The following PIWIL1 variants were observed in gnomAD, a reference collection of about 807,000 sequenced individuals.
The protein encoded by PIWIL1 is piwi like RNA-mediated gene silencing 1.
PIWIL1 carries 73 observed loss-of-function variants against 114.4 expected under a neutral mutation model. The observed-to-expected ratio is 0.64, with a 90% CI of 0.53 to 0.78. The LOEUF (loss-of-function observed/expected upper bound fraction) is 0.78. Among genes scored for constraint, PIWIL1 ranks in the 30% least tolerant of loss-of-function variants. PIWIL1 has a pLI of 0.00. For synonymous variants in PIWIL1, 375 were observed against 369.0 expected, an observed-to-expected ratio of 1.02 and a Z score of -0.19; for missense variants, 723 against 1,063.1, an observed-to-expected ratio of 0.68 and a Z score of 4.45.
At position 130,367,724 on chromosome 12, in the gene PIWIL1, C is replaced by T. The variant is rs143941337; in HGVS notation, c.2321+466C>T. On this transcript the variant is annotated intron_variant, in intron 19 of 20. Transcript: ENST00000245255. ...ACCGCAAGAAAAGCAGAATGCCAGC[C>T]GGAGCTTACAGCGGGCACCGGCAGG... Among the ~76,000 whole-genome samples, 443 of 152,276 alleles carry T rather than the reference C, an allele frequency of 2.9e-3. 1 individual carries two copies. Among genetic ancestry groups the T allele is most frequent in the Non-Finnish European group, 4.9e-3 (335 of 68,022 alleles).
the PIWIL1 span, among the ~76,000 whole-genome samples, chr12:130,394,387 G>A: frequency 6.6e-6 from 1 of 152,154 alleles, no homozygotes; most frequent in Non-Finnish European, 1.5e-5. Flanking sequence ...GGGATAGCTA[G>A]GTATTTTTTC....
At chr12:130,342,874 T>G (rs2072963327) in intron 2 of PIWIL1, 116 bp from the exon 3 acceptor site, 5 of 766,614 alleles carry the variant, frequency 6.5e-6, no homozygotes, top group Admixed American at 5.2e-5. Flanking sequence ...GAATAAAATA[T>G]TTGATTATTA....
chr12:130,359,940 G>T (rs2136173373), intron 14 of PIWIL1, among the ~76,000 whole-genome samples: 1 of 152,306 alleles, frequency 6.6e-6, no homozygotes, highest in South Asian at 2.1e-4. Flanking sequence ...TGATTATTAG[G>T]CATTTATATC....
chr12:130,414,367 G>T, the PIWIL1 span: 1 of 1,484,146 alleles, frequency 6.7e-7, no homozygotes, highest in Non-Finnish European at 9.1e-7. Flanking sequence ...AGCGTGCACG[G>T]GAAATGCAGC....
chr12:130,408,580 G>C, the PIWIL1 span, among the ~76,000 whole-genome samples: 226 of 152,278 alleles, frequency 1.5e-3, 1 homozygote, highest in Admixed American at 0.012. Flanking sequence ...TCTGCCCAGC[G>C]TGAGCGCTCC....
chr12:130,378,643 T>G, the PIWIL1 span, among the ~76,000 whole-genome samples: 1 of 152,238 alleles, frequency 6.6e-6, no homozygotes, highest in Non-Finnish European at 1.5e-5. Flanking sequence ...GATGCCTTTT[T>G]AATTTTAGTC....
chr12:130,419,492 T>C, the PIWIL1 span: 1 of 152,254 alleles, frequency 6.6e-6, no homozygotes, highest in African/African-American at 2.4e-5. The surrounding 1 kb of genome is among the most constrained non-coding windows in gnomAD (Gnocchi z 4.3). Flanking sequence ...GTAATTTCTA[T>C]GGAGATAAAG....
At position 130,354,944 on chromosome 12, in the gene PIWIL1, AC is replaced by A. The variant is rs1415092206; in HGVS notation, c.1229del (p.Thr410LysfsTer3). On this transcript the variant is annotated frameshift_variant, in exon 11 of 21. Coordinates refer to ENST00000245255, the MANE Select transcript of PIWIL1 (RefSeq NM_004764.5). LOFTEE classifies it high-confidence loss of function. ...CGTGATGAAAGACTTAGCCGTTCAT[AC>A]AAGACTAACTCCAGAGCAAAGGCAG... ...FNVMKDLAVH[T>X]RLTPEQRQRE... 6.2e-7 allele frequency: 1 copy of A among 1,614,092 alleles called. No homozygotes were observed. The highest frequency in any genetic ancestry group is 1.7e-5 in the Admixed American group (1 of 60,028).
intron 1 of PIWIL1, chr12:130,342,291 C>T (rs1256986431): frequency 2.6e-6 from 1 of 378,390 alleles, no homozygotes; most frequent in African/African-American, 2.0e-5. Flanking sequence ...GCACTTTCTC[C>T]TCCTAAGTCT....
chr12:130,403,125 C>T, the PIWIL1 span, among the ~76,000 whole-genome samples: 1 of 152,138 alleles, frequency 6.6e-6, no homozygotes, highest in Non-Finnish European at 1.5e-5. Flanking sequence ...TGAATTCGCT[C>T]TCTCGAGATG....
chr12:130,345,149 C>T (rs1037503349), intron 3 of PIWIL1, among the ~76,000 whole-genome samples: 4 of 152,198 alleles, frequency 2.6e-5, no homozygotes, highest in Admixed American at 2.6e-4. Flanking sequence ...GCTTGTAGCA[C>T]TAAGCATGAA....
chr12:130,397,462 A>T, the PIWIL1 span: 1 of 398,848 alleles, frequency 2.5e-6, no homozygotes, highest in Non-Finnish European at 4.4e-6. Context: ...GGACTACCAG[A>T]ACCCATAGAT....
the PIWIL1 span, among the ~76,000 whole-genome samples, chr12:130,407,522 C>G: frequency 3.3e-5 from 5 of 152,316 alleles, no homozygotes; most frequent in East Asian, 9.6e-4. Flanking sequence ...TTGTCAGGGG[C>G]TGGCCATGTC....
chr12:130,372,597 C>CAAAAAAAAAAAAAAAA (rs60262232), exon 21 of PIWIL1: 4 of 67,882 alleles, frequency 5.9e-5, no homozygotes, highest in African/African-American at 2.7e-4. Context: ...GACTCCGTCT[C>CAAAAAAAAAAAAAAAA]AAAAAAAAAA....
downstream of PIWIL1, among the ~76,000 whole-genome samples, chr12:130,375,831 A>G (rs147933977): frequency 2.6e-3 from 391 of 151,992 alleles, 1 homozygote; most frequent in African/African-American, 8.1e-3. Flanking sequence ...CAGCTGTTCA[A>G]TTCCTGGCCA....
At chr12:130,360,489 C>G (rs551197921) in intron 14 of PIWIL1, among the ~76,000 whole-genome samples, 1 of 152,228 alleles carries the variant, frequency 6.6e-6, no homozygotes, top group South Asian at 2.1e-4. Context: ...AAAAATTAGC[C>G]AGGCATGGTG....
At chr12:130,344,496 T>C (rs2073015786) in intron 3 of PIWIL1, among the ~76,000 whole-genome samples, 1 of 152,256 alleles carries the variant, frequency 6.6e-6, no homozygotes, top group Non-Finnish European at 1.5e-5. Context: ...TTCTCAATTT[T>C]TCAGGTGAAG....
At chr12:130,414,509 T>C in the PIWIL1 span, 1 of 483,162 alleles carries the variant, frequency 2.1e-6, no homozygotes, top group Non-Finnish European at 3.6e-6. Context: ...CCACACTCTG[T>C]ACCTGGCCAC....
chr12:130,414,455 C>A, the PIWIL1 span: 1 of 710,628 alleles, frequency 1.4e-6, no homozygotes, highest in Non-Finnish European at 2.3e-6. Context: ...GGAAATAGAT[C>A]GGGAGGTCTA....
Sources: allele counts gnomAD v4.1 joint callset (sites outside exome capture counted in the v4.1 genomes callset), GRCh38; gene constraint gnomAD v4.1.1; non-coding constraint Gnocchi (gnomAD v3.1); transcripts MANE v1.5; gene names NCBI Gene and HGNC (gene_info 2026-07-23, HGNC 2026-07-21).